Variants in CDC42BPA observed in about 807,000 individuals in gnomAD.
CDC42BPA encodes the protein serine/threonine-protein kinase MRCK alpha.
Under a neutral mutation model 223.5 loss-of-function variants are expected in CDC42BPA, and 80 were observed. The observed-to-expected ratio is 0.36, with a 90% confidence interval of 0.30 to 0.43. The LOEUF (loss-of-function observed/expected upper bound fraction) is 0.43. Among genes scored for constraint, CDC42BPA ranks in the 20% least tolerant of loss-of-function variants. CDC42BPA has a pLI of 1.00. For missense variants in CDC42BPA, 1,743 were observed against 2,099.9 expected (o/e 0.83, Z 3.32); for synonymous variants, 694 against 718.6 (o/e 0.97, Z 0.55).
At chr1:227,094,189 T>C (rs1057115003) in intron 15 of CDC42BPA, among the ~76,000 whole-genome samples, 6 of 151,978 alleles carry the variant, frequency 3.9e-5, no homozygotes, top group African/African-American at 1.5e-4. Flanking sequence ...AGAAAGAAAA[T>C]AAACTTTTTT....
chr1:227,031,289 A>T lies in CDC42BPA; in HGVS notation c.3775+9T>A. ...TGATAATAATATGATAAATGTTATA[A>T]ATTCATACCTATGATTGCGGCTGCC... On this transcript the variant is annotated intron_variant, in intron 28 of 36. Transcript: ENST00000366766. 6.3e-7 allele frequency: 1 copy of T among 1,597,642 alleles called. No homozygotes were observed. The highest frequency in any genetic ancestry group is 8.6e-7 in the Non-Finnish European group (1 of 1,165,590).
At chr1:227,137,428 T>C (rs1459552424) in intron 10 of CDC42BPA, among the ~76,000 whole-genome samples, 2 of 152,124 alleles carry the variant, frequency 1.3e-5, no homozygotes, top group African/African-American at 4.8e-5. Context: ...TATATTGGTA[T>C]AGTCACTTTA....
intron 4 of CDC42BPA, among the ~76,000 whole-genome samples, chr1:227,198,464 A>G (rs1468121905): frequency 7.3e-6 from 1 of 136,178 alleles, no homozygotes; most frequent in African/African-American, 2.7e-5. Flanking sequence ...AAAAGAAAGA[A>G]AGAAAGAAAG....
At chr1:226,995,714 G>A (rs1020648981) in intron 35 of CDC42BPA, among the ~76,000 whole-genome samples, 1 of 152,174 alleles carries the variant, frequency 6.6e-6, no homozygotes, top group East Asian at 1.9e-4. Context: ...AGGAAGAAAA[G>A]GGAAGACCCA....
rs1179377812 is a variant in CDC42BPA at position 227,193,998 on chromosome 1, AT to A, written c.451-65del. 3.5e-6 allele frequency: 4 copies of A among 1,155,804 alleles called. No homozygotes were observed. In the East Asian group the frequency reaches 7.6e-5, roughly 22 times the overall value. The allele number at this position is 1,155,804 out of a possible 1,614,324, so 71.6% of individuals were successfully genotyped here. ...TAAGGGTGAAAAATCAATATACTGT[AT>A]CCCAAGGTCAACAGGACTGGGTCAA... On this transcript the variant is annotated intron_variant, in intron 4 of 36. Transcript: ENST00000366766.
intron 21 of CDC42BPA, among the ~76,000 whole-genome samples, chr1:227,060,186 C>A (rs1222468424): frequency 2.0e-5 from 3 of 151,936 alleles, no homozygotes; most frequent in Non-Finnish European, 4.4e-5. Flanking sequence ...TGCCCACCAC[C>A]ACGCCCGGCT....
chr1:227,204,929 C>T (rs1672394027), intron 3 of CDC42BPA, among the ~76,000 whole-genome samples: 1 of 149,408 alleles, frequency 6.7e-6, no homozygotes, highest in Non-Finnish European at 1.5e-5. Context: ...ATCTAAATTC[C>T]CATAAACTTA....
intron 2 of CDC42BPA, among the ~76,000 whole-genome samples, chr1:227,249,429 G>A (rs1275833671): frequency 2.0e-5 from 3 of 152,070 alleles, no homozygotes; most frequent in Non-Finnish European, 2.9e-5. Flanking sequence ...AAGATGACAC[G>A]AAATTAAAAA....
chr1:227,074,659 C>G (rs1679090304), intron 17 of CDC42BPA, among the ~76,000 whole-genome samples: 1 of 152,112 alleles, frequency 6.6e-6, no homozygotes, highest in African/African-American at 2.4e-5. Flanking sequence ...CTCTTTAAAT[C>G]TAACAATTAA....
intron 16 of CDC42BPA, among the ~76,000 whole-genome samples, chr1:227,087,110 T>G (rs534293725): frequency 4.7e-4 from 72 of 152,326 alleles, no homozygotes; most frequent in African/African-American, 1.6e-3. Context: ...TCATTACTCT[T>G]CTCTCATGCA....
intron 35 of CDC42BPA, among the ~76,000 whole-genome samples, chr1:227,003,310 A>G (rs3738727): frequency 0.11 from 16,368 of 152,214 alleles, 1,235 homozygotes; most frequent in South Asian, 0.23. Context: ...AAAAGGTTTC[A>G]CTAAGTTGCA....
intron 1 of CDC42BPA, among the ~76,000 whole-genome samples, chr1:227,258,176 G>GAAAAAA (rs60156840): frequency 1.0e-4 from 11 of 108,104 alleles, no homozygotes; most frequent in East Asian, 2.7e-4. Context: ...CCCTGTCCGG[G>GAAAAAA]AAAAAAAAAA....
Position 227,168,497 on chromosome 1 carries a change from GTT to G in CDC42BPA, c.600-7863_600-7862del, listed in dbSNP as rs1292387936. On this transcript the variant is annotated intron_variant, in intron 5 of 36. Transcript: ENST00000366766. ...CTTTTTCATATTTATCTTCCCTGGT[GTT>G]TTTTTTTTTTTTTTGAGGCAGAGTC... Among the ~76,000 whole-genome samples, 567 of 80,222 alleles carry G rather than the reference GTT, an allele frequency of 7.1e-3. 36 individuals are homozygous for G. The highest frequency in any genetic ancestry group is 0.027 in the African/African-American group (541 of 20,222). 52.6% of individuals were successfully genotyped at this position (80,222 alleles called of 152,430 possible).
At chr1:227,264,871 T>G in intron 1 of CDC42BPA, 1 of 1,529,180 alleles carries the variant, frequency 6.5e-7, no homozygotes, top group Non-Finnish European at 9.1e-7. Context: ...GAACTGGACC[T>G]GAAGAATTTT....
At chr1:227,230,329 C>A (rs918287310) in intron 2 of CDC42BPA, among the ~76,000 whole-genome samples, 3 of 152,214 alleles carry the variant, frequency 2.0e-5, no homozygotes, top group Non-Finnish European at 2.9e-5. Flanking sequence ...TAATCAGAAT[C>A]AGAAGCTCCA....
chr1:227,146,215 T>C (rs899143026), intron 7 of CDC42BPA, among the ~76,000 whole-genome samples: 5 of 152,172 alleles, frequency 3.3e-5, no homozygotes, highest in Non-Finnish European at 7.4e-5. Context: ...TATGCTAATA[T>C]TATAGAAGAA....
chr1:227,184,517 A>T (rs544534677), intron 5 of CDC42BPA, among the ~76,000 whole-genome samples: 45 of 152,216 alleles, frequency 3.0e-4, no homozygotes, highest in African/African-American at 1.1e-3. Context: ...TCGTCCAATG[A>T]TCTGTGTGTT....
intron 1 of CDC42BPA, among the ~76,000 whole-genome samples, chr1:227,292,588 C>A (rs968730424): frequency 2.6e-5 from 4 of 152,146 alleles, no homozygotes; most frequent in Non-Finnish European, 4.4e-5. Flanking sequence ...GAAAATTCAA[C>A]AAGGTATTAA....
chr1:227,207,218 T>C lies in CDC42BPA; in HGVS notation c.354+5918A>G, dbSNP rs541417580. Among the ~76,000 whole-genome samples the C allele has an allele frequency of 3.3e-5, 5 of 151,126 alleles. No individual in the cohort carries two copies. In the East Asian group the frequency reaches 9.9e-4, roughly 30 times the overall value. On this transcript the variant is annotated intron_variant, in intron 3 of 36. Coordinates refer to ENST00000366766, the MANE Select transcript of CDC42BPA (RefSeq NM_001394014.1). ...TGTCCTTGCGATAGTTTGCTGAGAATGATGGTTTCCAGTTTCATCCATGTC... is the reference window on the plus strand; with the variant it reads ...TGTCCTTGCGATAGTTTGCTGAGAACGATGGTTTCCAGTTTCATCCATGTC...
Sources: gnomAD v4.1 joint callset for allele counts (sites outside exome capture counted in the v4.1 genomes callset) on GRCh38, gnomAD v4.1.1 for gene constraint, MANE v1.5 for transcripts, NCBI Gene and HGNC (gene_info 2026-07-23, HGNC 2026-07-21) for gene names.